TRIM24: variants seen among roughly 807,000 people sequenced by gnomAD.
TRIM24 encodes the protein tripartite motif containing 24.
A neutral mutation model predicts 123.9 loss-of-function variants in TRIM24; 29 were observed. That is an observed-to-expected ratio of 0.23 (90% CI 0.17 to 0.32). The LOEUF (loss-of-function observed/expected upper bound fraction) is 0.32. Among genes scored for constraint, TRIM24 ranks in the 10% least tolerant of loss-of-function variants. TRIM24 has a pLI of 1.00. For missense variants in TRIM24, 932 were observed against 1,295.3 expected, an observed-to-expected ratio of 0.72 and a Z score of 4.31; for synonymous variants, 456 against 461.1, an observed-to-expected ratio of 0.99 and a Z score of 0.14.
chr7:138,525,825 G>A (rs1403695511), intron 5 of TRIM24, among the ~76,000 whole-genome samples: 2 of 152,012 alleles, frequency 1.3e-5, no homozygotes, highest in African/African-American at 2.4e-5. Flanking sequence ...AAACTGTTCC[G>A]CACACTTTTT....
At chr7:138,550,318 GGTGTGTGTGT>G (rs10548154) in intron 7 of TRIM24, among the ~76,000 whole-genome samples, 7 of 147,468 alleles carry the variant, frequency 4.7e-5, no homozygotes, top group African/African-American at 1.7e-4. Context: ...AGGAGTTGAT[GGTGTGTGTGT>G]GTGTGTGTGT....
chr7:138,517,490 C>T (rs913514101), intron 3 of TRIM24, among the ~76,000 whole-genome samples: 1 of 152,110 alleles, frequency 6.6e-6, no homozygotes, highest in African/African-American at 2.4e-5. Context: ...CCTACTTCAA[C>T]CTCCCAAGTA....
intron 7 of TRIM24, among the ~76,000 whole-genome samples, chr7:138,549,302 A>T (rs937243149): frequency 3.1e-4 from 47 of 152,184 alleles, no homozygotes; most frequent in African/African-American, 1.1e-3. Context: ...AGAGGAAGGG[A>T]GAAGTCAAAA....
At chr7:138,518,449 T>A (rs1796443342) in intron 3 of TRIM24, among the ~76,000 whole-genome samples, 1 of 152,166 alleles carries the variant, frequency 6.6e-6, no homozygotes, top group Non-Finnish European at 1.5e-5. Context: ...CCATATTTAT[T>A]CATATTCTGA....
intron 1 of TRIM24, among the ~76,000 whole-genome samples, chr7:138,487,418 A>G (rs540041367): frequency 5.9e-5 from 9 of 152,002 alleles, no homozygotes; most frequent in South Asian, 2.1e-4. Context: ...TCTTGTGCCA[A>G]TTTTCAAAGG....
At chr7:138,516,446 A>G (rs2116558330) in intron 3 of TRIM24, among the ~76,000 whole-genome samples, 1 of 152,060 alleles carries the variant, frequency 6.6e-6, no homozygotes, top group South Asian at 2.1e-4. Flanking sequence ...GCTCACTGCA[A>G]CCTCTGCCAC....
intron 12 of TRIM24, 85 bp from the exon 13 acceptor site, chr7:138,576,288 T>C (rs1797757010): frequency 2.4e-6 from 3 of 1,233,708 alleles, no homozygotes; most frequent in Admixed American, 1.7e-5. Context: ...CCAGTTTCAA[T>C]GTAGTGCTAA....
intron 10 of TRIM24, among the ~76,000 whole-genome samples, chr7:138,570,472 A>C (rs1797631119): frequency 6.6e-6 from 1 of 152,226 alleles, no homozygotes; most frequent in Admixed American, 6.5e-5. Context: ...TATTTCAGAT[A>C]GGGATAGAAG....
intron 2 of TRIM24, 79 bp from the exon 3 acceptor site, chr7:138,515,133 T>C (rs1796369315): frequency 7.2e-7 from 1 of 1,397,012 alleles, no homozygotes. Flanking sequence ...GTACAATTGG[T>C]GTATCATGTA....
chr7:138,465,993 C>G (rs1281983607), intron 1 of TRIM24, among the ~76,000 whole-genome samples: 1 of 152,114 alleles, frequency 6.6e-6, no homozygotes, highest in Non-Finnish European at 1.5e-5. Context: ...TGGGTATTGT[C>G]TTTAAAAGTT....
At chr7:138,533,113 A>G (rs866264643) in intron 6 of TRIM24, among the ~76,000 whole-genome samples, 1 of 152,092 alleles carries the variant, frequency 6.6e-6, no homozygotes, top group Non-Finnish European at 1.5e-5. Flanking sequence ...GAGATTTTGG[A>G]CTGAGACAAT....
Position 138,585,555 on chromosome 7 carries a change from G to T in TRIM24, c.*604G>T. The T allele has an allele frequency of 2.8e-6, 1 of 355,560 alleles. No individual in the cohort carries two copies. The highest frequency in any genetic ancestry group is 5.3e-6 in the Non-Finnish European group (1 of 187,544). 22.0% of individuals were successfully genotyped at this position (355,560 alleles called of 1,614,324 possible). A position where few individuals can be genotyped will look rare whatever the true frequency, so the allele number is the denominator to read the frequency against. ...CACTTAATAGTACATCATGTAAGAT[G>T]GCAACTGTATTAAAGAAAAATCCGG... On this transcript the variant is annotated 3_prime_UTR_variant, in exon 19 of 19. Transcript: ENST00000343526.
chr7:138,554,816 A>C lies in TRIM24; in HGVS notation c.1380A>C (p.Pro460=). ...GLSSNQLSKF[P]TQISLAQLRL... ...CATCAAACCAGTTATCCAAGTTCCC[A>C]ACACAGATCAGCCTAGCTCAATTAC... The change falls in exon 9 of 19, where the codon CCA becomes CCC. Residue 460 remains proline, a synonymous_variant. Coordinates refer to ENST00000343526, the MANE Select transcript of TRIM24 (RefSeq NM_015905.3). This position sits in a 1 kb window ranked among gnomAD's most constrained non-coding sequence, Gnocchi z 4.5. 1 of 1,614,216 alleles carries C rather than the reference A, an allele frequency of 6.2e-7. No homozygotes were observed. Among genetic ancestry groups the C allele is most frequent in the Non-Finnish European group, 8.5e-7 (1 of 1,180,030 alleles).
chr7:138,515,533 T>C (rs1292645020), intron 3 of TRIM24, among the ~76,000 whole-genome samples, 174 bp downstream of exon 3: 1 of 152,254 alleles, frequency 6.6e-6, no homozygotes, highest in Non-Finnish European at 1.5e-5. Flanking sequence ...AAAGTACGAA[T>C]AGATGTAGAA....
intron 9 of TRIM24, among the ~76,000 whole-genome samples, chr7:138,562,780 T>A (rs1797453630): frequency 6.6e-6 from 1 of 152,192 alleles, no homozygotes; most frequent in Admixed American, 6.5e-5. Flanking sequence ...TTCTGGTGGC[T>A]TTTTTGTGTA....
In TRIM24 at chr7:138,577,411, T is replaced by C; in HGVS notation, c.2088-9T>C. On this transcript the variant is annotated splice_polypyrimidine_tract_variant and intron_variant, in intron 13 of 18. Transcript: ENST00000343526. Reference sequence around the variant, plus strand: ...TTAGATTGCTTTTTCTTCTCTCTCATACTTACAGCTCTGGCTCTTCCAGCA... The same window carrying C: ...TTAGATTGCTTTTTCTTCTCTCTCACACTTACAGCTCTGGCTCTTCCAGCA... 1 of 1,540,426 alleles carries C rather than the reference T, an allele frequency of 6.5e-7. No individual in the cohort carries two copies. The highest frequency in any genetic ancestry group is 8.7e-7 in the Non-Finnish European group (1 of 1,148,390).
intron 6 of TRIM24, among the ~76,000 whole-genome samples, chr7:138,531,252 CAT>C (rs759721858): frequency 6.7e-4 from 101 of 151,820 alleles, no homozygotes; most frequent in Non-Finnish European, 9.4e-4. Context: ...TTACATGTTA[CAT>C]ATGTTACATA....
At chr7:138,541,009 T>C (rs1259853840) in intron 7 of TRIM24, among the ~76,000 whole-genome samples, 1 of 152,180 alleles carries the variant, frequency 6.6e-6, no homozygotes, top group African/African-American at 2.4e-5. Context: ...AGCTAATTTT[T>C]CTATTTTTTA....
At chr7:138,494,390 A>T (rs1039051039) in intron 1 of TRIM24, among the ~76,000 whole-genome samples, 2 of 151,962 alleles carry the variant, frequency 1.3e-5, no homozygotes, top group African/African-American at 4.8e-5. Context: ...AAGTGTTAGG[A>T]TTACAGGCAT....
Sources: gnomAD v4.1 joint callset for allele counts (sites outside exome capture counted in the v4.1 genomes callset) on GRCh38, gnomAD v4.1.1 for gene constraint, Gnocchi (gnomAD v3.1) non-coding constraint, MANE v1.5 for transcripts, NCBI Gene and HGNC (gene_info 2026-07-23, HGNC 2026-07-21) for gene names.